The following MACROD2 variants were observed in gnomAD, a reference collection of about 807,000 sequenced individuals.
The protein encoded by MACROD2 is mono-ADP ribosylhydrolase 2.
A neutral mutation model predicts 70.4 loss-of-function variants in MACROD2; 36 were observed. The ratio of observed to expected loss-of-function variants is 0.51; its 90% CI spans 0.39 to 0.68. MACROD2 has a LOEUF of 0.68. MACROD2 is among the 30% of genes least tolerant of loss of function. The probability of loss-of-function intolerance (pLI) is 0.00; values close to 1 mark genes in which losing one functional copy is unlikely to be tolerated. For synonymous variants in MACROD2, 172 were observed against 178.8 expected, an observed-to-expected ratio of 0.96 and a Z score of 0.30; for missense variants, 496 against 538.4, an observed-to-expected ratio of 0.92 and a Z score of 0.78.
chr20:15,541,299 C>T (rs1600560780), intron 8 of MACROD2, among the ~76,000 whole-genome samples: 2 of 152,030 alleles, frequency 1.3e-5, no homozygotes, highest in African/African-American at 4.8e-5. Flanking sequence ...TTTTATTTGT[C>T]TTTTTTGAAT....
At chr20:15,752,752 C>T (rs1356383131) in intron 8 of MACROD2, among the ~76,000 whole-genome samples, 2 of 151,924 alleles carry the variant, frequency 1.3e-5, no homozygotes, top group Admixed American at 6.6e-5. Flanking sequence ...ATGTCCTCTC[C>T]CAGGAAGCTC....
At chr20:15,368,397 C>G (rs567875509) in intron 6 of MACROD2, among the ~76,000 whole-genome samples, 1 of 151,916 alleles carries the variant, frequency 6.6e-6, no homozygotes, top group Admixed American at 6.6e-5. Flanking sequence ...ACAAAAACCT[C>G]TAAACCTTGT....
At chr20:15,018,506 C>G (rs563374215) in intron 5 of MACROD2, among the ~76,000 whole-genome samples, 17 of 152,176 alleles carry the variant, frequency 1.1e-4, no homozygotes, top group East Asian at 3.9e-4. Flanking sequence ...TTCCAAAGAT[C>G]TTTGAGTATC....
At chr20:14,132,079 C>T (rs2054725830) in intron 3 of MACROD2, among the ~76,000 whole-genome samples, 1 of 132,614 alleles carries the variant, frequency 7.5e-6, no homozygotes, top group African/African-American at 2.8e-5. Flanking sequence ...TGCAGTGAGC[C>T]AAGATCACGC....
intron 6 of MACROD2, among the ~76,000 whole-genome samples, chr20:15,422,972 G>T (rs150494611): frequency 4.2e-4 from 64 of 152,096 alleles, no homozygotes; most frequent in African/African-American, 1.3e-3. Context: ...TCCATCTTCT[G>T]GTTTACCTAA....
At chr20:15,388,928 A>G (rs1232651841) in intron 6 of MACROD2, among the ~76,000 whole-genome samples, 1 of 152,200 alleles carries the variant, frequency 6.6e-6, no homozygotes, top group Admixed American at 6.5e-5. Context: ...CCTTGGAGAA[A>G]GTGAGGACAT....
At chr20:15,762,617 T>G (rs2051454250) in intron 8 of MACROD2, among the ~76,000 whole-genome samples, 2 of 152,312 alleles carry the variant, frequency 1.3e-5, no homozygotes, top group South Asian at 4.1e-4. Context: ...TGGCTCTTAG[T>G]CCAGGCTTTC....
At chr20:15,578,050 A>T (rs2048472889) in intron 8 of MACROD2, among the ~76,000 whole-genome samples, 1 of 152,218 alleles carries the variant, frequency 6.6e-6, no homozygotes, top group Admixed American at 6.5e-5. Context: ...TGCTTGAACC[A>T]CATGCTCCTA....
chr20:14,885,117 C>G (rs1309916396), intron 5 of MACROD2, among the ~76,000 whole-genome samples: 1 of 152,108 alleles, frequency 6.6e-6, no homozygotes, highest in Non-Finnish European at 1.5e-5. Context: ...CAAACCCTAC[C>G]TGTCATTGAG....
chr20:15,994,298 G>A (rs1014119292), intron 15 of MACROD2, among the ~76,000 whole-genome samples: 1 of 151,900 alleles, frequency 6.6e-6, no homozygotes, highest in African/African-American at 2.4e-5. Context: ...TCAGTTGTGA[G>A]ATGTGCCATT....
At chr20:14,246,049 T>G (rs938122986) in intron 3 of MACROD2, among the ~76,000 whole-genome samples, 1 of 152,206 alleles carries the variant, frequency 6.6e-6, no homozygotes, top group Admixed American at 6.5e-5. Flanking sequence ...TCCTTAAACA[T>G]AAATTCTAGC....
chr20:14,455,386 G>C (rs1287343937), intron 3 of MACROD2, among the ~76,000 whole-genome samples: 1 of 151,870 alleles, frequency 6.6e-6, no homozygotes, highest in Non-Finnish European at 1.5e-5. Flanking sequence ...GAAACCTACT[G>C]AAGTGAAATA....
chr20:15,193,555 G>A (rs1015231614), intron 5 of MACROD2, among the ~76,000 whole-genome samples: 5 of 152,176 alleles, frequency 3.3e-5, no homozygotes, highest in African/African-American at 9.6e-5. Flanking sequence ...GGCTGAGGTC[G>A]GAGGAACTCT....
At chr20:15,942,986 A>G (rs917781096) in intron 12 of MACROD2, among the ~76,000 whole-genome samples, 3 of 152,204 alleles carry the variant, frequency 2.0e-5, no homozygotes, top group African/African-American at 7.2e-5. Flanking sequence ...AACACCATGT[A>G]AGTCATACAA....
At position 15,229,959 on chromosome 20, in the gene MACROD2, G is replaced by A. The variant is rs1181386739; in HGVS notation, c.438G>A (p.Gly146=). ...LPAKYVIHTV[G]PIARGHINGS... ...TTACAGATGTCATCCATACTGTAGG[G>A]CCAATAGCCAGGGGCCATATTAATG... The change falls in exon 6 of 18, where the codon GGG becomes GGA. Residue 146 remains glycine (G), a synonymous_variant. Coordinates refer to ENST00000684519, the MANE Select transcript of MACROD2 (RefSeq NM_001351661.2). 4.3e-6 allele frequency: 7 copies of A among 1,613,456 alleles called. No individual in the cohort carries two copies. In the South Asian group the frequency reaches 4.4e-5, roughly 10 times the overall value.
chr20:14,132,541 A>G (rs548934309), intron 3 of MACROD2, among the ~76,000 whole-genome samples: 2 of 152,240 alleles, frequency 1.3e-5, no homozygotes, highest in South Asian at 2.1e-4. Flanking sequence ...ATAAATTCCA[A>G]CTAATGATTA....
chr20:14,130,673 A>T (rs552368685), intron 3 of MACROD2, among the ~76,000 whole-genome samples: 11 of 152,324 alleles, frequency 7.2e-5, no homozygotes, highest in African/African-American at 2.6e-4. Flanking sequence ...TAATTAACCC[A>T]TAAGCAGGGC....
intron 8 of MACROD2, among the ~76,000 whole-genome samples, chr20:15,569,735 C>A (rs947560884): frequency 1.3e-5 from 2 of 152,160 alleles, no homozygotes; most frequent in African/African-American, 4.8e-5. Flanking sequence ...AAGATGTAGA[C>A]CATTTGTTAG....
intron 3 of MACROD2, among the ~76,000 whole-genome samples, chr20:14,410,679 G>T (rs1348402971): frequency 6.6e-6 from 1 of 152,086 alleles, no homozygotes; most frequent in Non-Finnish European, 1.5e-5. Flanking sequence ...CTCCCATTTG[G>T]GATAAATATG....
Sources: allele counts gnomAD v4.1 joint callset (sites outside exome capture counted in the v4.1 genomes callset), GRCh38; gene constraint gnomAD v4.1.1; transcripts MANE v1.5; gene names NCBI Gene and HGNC (gene_info 2026-07-23, HGNC 2026-07-21).